The following GRB10 variants were observed in gnomAD, a reference collection of about 807,000 sequenced individuals.
GRB10 encodes growth factor receptor-bound protein 10.
GRB10 carries 20 observed loss-of-function variants against 80.9 expected under a neutral mutation model. That is an observed-to-expected ratio of 0.25 (90% CI 0.17 to 0.36). GRB10 has a LOEUF of 0.36. Ranked by LOEUF, GRB10 falls within the 10% of genes least tolerant of loss-of-function variation. The pLI, the probability that GRB10 is intolerant of heterozygous loss-of-function variation, is 1.00. For synonymous variants in GRB10, 291 were observed against 291.5 expected (o/e 1.00, Z 0.02); for missense variants, 548 against 747.7 (o/e 0.73, Z 3.12).
At chr7:50,677,859 A>G (rs756754542) in intron 5 of GRB10, among the ~76,000 whole-genome samples, 1 of 152,228 alleles carries the variant, frequency 6.6e-6, no homozygotes, top group Non-Finnish European at 1.5e-5. Context: ...ACATGTCCAC[A>G]CACATGCACA....
chr7:50,770,218 C>T (rs936855157), intron 2 of GRB10, among the ~76,000 whole-genome samples: 1 of 152,224 alleles, frequency 6.6e-6, no homozygotes, highest in African/African-American at 2.4e-5. Flanking sequence ...CACTTCCAGG[C>T]TGCATCCACG....
chr7:50,657,079 T>A (rs2058722622), intron 7 of GRB10, among the ~76,000 whole-genome samples: 1 of 152,218 alleles, frequency 6.6e-6, no homozygotes, highest in African/African-American at 2.4e-5. Context: ...TCAGCTATCA[T>A]GAGTGTTTTT....
chr7:50,664,189 C>T (rs773254865), intron 7 of GRB10, among the ~76,000 whole-genome samples: 8 of 152,202 alleles, frequency 5.3e-5, no homozygotes, highest in Non-Finnish European at 7.4e-5. Context: ...CCTCACACAG[C>T]AAACAGCCAG....
chr7:50,683,288 G>C (rs2061738383), intron 5 of GRB10, among the ~76,000 whole-genome samples: 1 of 152,236 alleles, frequency 6.6e-6, no homozygotes, highest in African/African-American at 2.4e-5. Flanking sequence ...GTGGAATGGT[G>C]GTGGCCAGGG....
chr7:50,705,202 G>C (rs953537331), intron 4 of GRB10: 2 of 985,708 alleles, frequency 2.0e-6, no homozygotes, highest in East Asian at 2.3e-4. Flanking sequence ...ACAATGGGGG[G>C]AAGCAGAGGG....
chr7:50,681,965 T>A (rs1264163776), intron 5 of GRB10, among the ~76,000 whole-genome samples: 1 of 152,182 alleles, frequency 6.6e-6, no homozygotes, highest in African/African-American at 2.4e-5. Context: ...GAGCCCCGGG[T>A]TGATGAATCC....
intron 3 of GRB10, among the ~76,000 whole-genome samples, chr7:50,741,280 C>A (rs796101693): frequency 5.9e-5 from 9 of 152,150 alleles, no homozygotes; most frequent in African/African-American, 2.2e-4. Flanking sequence ...CAGGCATTTG[C>A]AAATATTTAT....
chr7:50,606,878 CTCTAGTATGTA>C, intron 13 of GRB10: 2 of 212,308 alleles, frequency 9.4e-6, no homozygotes, highest in South Asian at 1.5e-4. Context: ...ACCATTCAAT[CTCTAGTATGTA>C]TCAAGCAATT....
At chr7:50,687,457 G>A (rs2062236484) in intron 5 of GRB10, among the ~76,000 whole-genome samples, 1 of 152,174 alleles carries the variant, frequency 6.6e-6, no homozygotes, top group Non-Finnish European at 1.5e-5. Context: ...TTTCTGTCCA[G>A]GAAGTGCAGC....
At chr7:50,651,921 A>C (rs1586372863) in intron 7 of GRB10, among the ~76,000 whole-genome samples, 1 of 151,964 alleles carries the variant, frequency 6.6e-6, no homozygotes, top group South Asian at 2.1e-4. Context: ...ATCCAACCCA[A>C]CCTCTTGGCA....
At chr7:50,762,170 C>T (rs1328966540) in intron 2 of GRB10, among the ~76,000 whole-genome samples, 3 of 151,768 alleles carry the variant, frequency 2.0e-5, no homozygotes, top group South Asian at 2.1e-4. Flanking sequence ...CCGATCTGAA[C>T]GTTTAGTAAG....
chr7:50,764,839 A>G (rs1241473216), intron 2 of GRB10, among the ~76,000 whole-genome samples: 1 of 152,228 alleles, frequency 6.6e-6, no homozygotes, highest in Non-Finnish European at 1.5e-5. Flanking sequence ...TGCCGTAAAA[A>G]GGGGAAAGCA....
intron 7 of GRB10, among the ~76,000 whole-genome samples, chr7:50,666,884 C>CA (rs1271139792): frequency 6.6e-6 from 1 of 151,854 alleles, no homozygotes; most frequent in East Asian, 1.9e-4. Flanking sequence ...ACTAAAAATA[C>CA]AAAAAATTAG....
intron 2 of GRB10, among the ~76,000 whole-genome samples, chr7:50,765,571 T>C (rs772316052): frequency 1.3e-5 from 2 of 152,198 alleles, no homozygotes; most frequent in Non-Finnish European, 2.9e-5. Context: ...TTCTCACTCA[T>C]GTGCAAGCTA....
intron 7 of GRB10, among the ~76,000 whole-genome samples, chr7:50,646,691 A>G (rs73114807): frequency 0.088 from 13,343 of 152,150 alleles, 892 homozygotes; most frequent in Non-Finnish European, 0.11. Flanking sequence ...TTGGAAAGAG[A>G]TGAGTGGGGG....
At chr7:50,677,108 C>T (rs1432197573) in intron 5 of GRB10, among the ~76,000 whole-genome samples, 2 of 152,108 alleles carry the variant, frequency 1.3e-5, no homozygotes, top group East Asian at 1.9e-4. Flanking sequence ...GCAGCTGAGA[C>T]GCAGCAAGCA....
At chr7:50,633,077 C>T (rs886941527) in intron 7 of GRB10, among the ~76,000 whole-genome samples, 13 of 152,206 alleles carry the variant, frequency 8.5e-5, no homozygotes, top group African/African-American at 3.1e-4. Context: ...TTGCAACTGC[C>T]TCTCAACTGC....
chr7:50,723,745 T>G (rs1240745024), intron 4 of GRB10, among the ~76,000 whole-genome samples: 1 of 152,188 alleles, frequency 6.6e-6, no homozygotes, highest in Non-Finnish European at 1.5e-5. Flanking sequence ...GTACTGGGAT[T>G]CAAACCTGGG....
chr7:50,680,425 A>T (rs535987193), intron 5 of GRB10, among the ~76,000 whole-genome samples: 121 of 152,330 alleles, frequency 7.9e-4, no homozygotes, highest in African/African-American at 2.9e-3. Context: ...AACACATATC[A>T]ACAAACTGAT....
Sources: gnomAD v4.1 joint callset for allele counts (sites outside exome capture counted in the v4.1 genomes callset) on GRCh38, gnomAD v4.1.1 for gene constraint, MANE v1.5 for transcripts, NCBI Gene and HGNC (gene_info 2026-07-23, HGNC 2026-07-21) for gene names.